APP: variants seen among roughly 807,000 people sequenced by gnomAD.
APP encodes the protein amyloid beta precursor protein.
APP carries 31 observed loss-of-function variants against 101.4 expected under a neutral mutation model. The ratio of observed to expected loss-of-function variants is 0.31; its 90% CI spans 0.23 to 0.41. APP has a LOEUF of 0.41. Among genes scored for constraint, APP ranks in the 10% least tolerant of loss-of-function variants. The pLI, the probability that APP is intolerant of heterozygous loss-of-function variation, is 1.00. For synonymous variants in APP, 366 were observed against 364.4 expected, an observed-to-expected ratio of 1.00 and a Z score of -0.05; for missense variants, 839 against 1,003.7, an observed-to-expected ratio of 0.84 and a Z score of 2.22.
intron 2 of APP, among the ~76,000 whole-genome samples, chr21:26,103,597 T>C (rs1276801817): frequency 1.3e-5 from 2 of 151,044 alleles, no homozygotes; most frequent in Non-Finnish European, 2.9e-5. Context: ...TGAGATCCCG[T>C]CAAAAAAAAG....
In APP at chr21:26,152,317, G is replaced by C. The variant is rs1777024207; in HGVS notation, c.57+18247C>G. 2.9e-5 allele frequency among the ~76,000 whole-genome samples: 4 copies of C among 138,712 alleles called. No homozygotes were observed. In the South Asian group the frequency reaches 9.4e-4, roughly 33 times the overall value. 91.0% of individuals were successfully genotyped at this position (138,712 alleles called of 152,430 possible). A position where few individuals can be genotyped will look rare whatever the true frequency, so the allele number is the denominator to read the frequency against. On this transcript the variant is annotated intron_variant, in intron 1 of 17. Coordinates refer to ENST00000346798, the MANE Select transcript of APP (RefSeq NM_000484.4). Reference sequence around the variant, plus strand: ...AAAAAAAAAAAAAAAATGGGCCAAGGATCTGAATAGACATTTCTAAAAAGC... The same window carrying C: ...AAAAAAAAAAAAAAAATGGGCCAAGCATCTGAATAGACATTTCTAAAAAGC...
In APP at chr21:26,110,143, T is replaced by C. The variant is rs192881919; in HGVS notation, c.225+1836A>G. Among the ~76,000 whole-genome samples, 26 of 152,330 alleles carry C rather than the reference T, an allele frequency of 1.7e-4. No homozygotes were observed. The South Asian group carries it at 4.3e-3, about 25-fold the overall frequency. ...TAGTAAATCAGCACACAGAATGTTC[T>C]TGTAAAAATACATATAATGGACCAT... On this transcript the variant is annotated intron_variant, in intron 2 of 17. Coordinates refer to ENST00000346798, the MANE Select transcript of APP (RefSeq NM_000484.4).
Position 26,125,007 on chromosome 21 carries a change from A to T in APP, c.58-12861T>A, listed in dbSNP as rs2062651827. Among the ~76,000 whole-genome samples the T allele has an allele frequency of 2.6e-5, 4 of 152,246 alleles. No individual in the cohort carries two copies. The South Asian group carries it at 8.3e-4, about 31-fold the overall frequency. ...GGAGTGTTAATGCAGAGGTCTGGCA[A>T]GGGTACACCGAAGAGCTCTCAGGAA... On this transcript the variant is annotated intron_variant, in intron 1 of 17. Transcript: ENST00000346798.
chr21:25,941,370 CAAG>C (rs2040570983), intron 13 of APP: 1 of 152,144 alleles, frequency 6.6e-6, no homozygotes, highest in African/African-American at 2.4e-5. Context: ...AGTCTGTGAT[CAAG>C]AAGAATTACT....
chr21:26,000,833 T>A (rs1347186870), intron 6 of APP, among the ~76,000 whole-genome samples: 4 of 151,642 alleles, frequency 2.6e-5, no homozygotes, highest in Non-Finnish European at 4.4e-5. Flanking sequence ...TTTAAGACCA[T>A]TTTATTTGTA....
At chr21:26,061,942 G>C (rs56183877) in intron 3 of APP, among the ~76,000 whole-genome samples, 1,942 of 152,244 alleles carry the variant, frequency 0.013, 46 homozygotes, top group African/African-American at 0.044. Flanking sequence ...CTGGCCGGGA[G>C]TGGTGGCTCA....
intron 2 of APP, among the ~76,000 whole-genome samples, chr21:26,093,897 CGAGGTCAA>C (rs1568966264): frequency 6.6e-6 from 1 of 152,074 alleles, no homozygotes; most frequent in Non-Finnish European, 1.5e-5. Flanking sequence ...GGGCGGCTCA[CGAGGTCAA>C]GAGATCAAGA....
chr21:26,123,602 C>T (rs557562658), intron 1 of APP, among the ~76,000 whole-genome samples: 74 of 152,212 alleles, frequency 4.9e-4, no homozygotes, highest in Middle Eastern at 3.4e-3. Flanking sequence ...AGGAATTTTT[C>T]GAATTGCCAT....
At chr21:25,955,873 C>T in intron 11 of APP, 118 bp from the exon 12 acceptor site, 1 of 1,444,984 alleles carries the variant, frequency 6.9e-7, no homozygotes, top group Non-Finnish European at 9.7e-7. Context: ...CTGTGAGTCA[C>T]CTTTTTGCAG....
intron 1 of APP, among the ~76,000 whole-genome samples, chr21:26,162,164 C>T (rs1426361994): frequency 6.6e-6 from 1 of 152,142 alleles, no homozygotes; most frequent in East Asian, 1.9e-4. Flanking sequence ...CCCATCTCTA[C>T]AAAACATTTA....
chr21:26,089,914 A>G, intron 3 of APP, 29 bp downstream of exon 3: 2 of 1,613,444 alleles, frequency 1.2e-6, no homozygotes, highest in South Asian at 2.2e-5. Flanking sequence ...GCCCCCAATC[A>G]ACACCAGCCC....
chr21:26,125,779 AT>A (rs1368631505), intron 1 of APP, among the ~76,000 whole-genome samples: 5 of 152,332 alleles, frequency 3.3e-5, no homozygotes, highest in African/African-American at 1.2e-4. Flanking sequence ...CTAAGAGTCA[AT>A]CTGGCAGAGC....
chr21:26,087,003 T>C (rs146324031), intron 3 of APP, among the ~76,000 whole-genome samples: 96 of 152,332 alleles, frequency 6.3e-4, no homozygotes, highest in African/African-American at 2.3e-3. Context: ...ACTGCCTGTC[T>C]ATTAAGTGCA....
At chr21:26,125,587 AG>A (rs2062665366) in intron 1 of APP, among the ~76,000 whole-genome samples, 1 of 151,668 alleles carries the variant, frequency 6.6e-6, no homozygotes, top group African/African-American at 2.4e-5. Flanking sequence ...TGCGGTGTTT[AG>A]GGGGTGAGTC....
chr21:26,047,665 G>A (rs1480069886), intron 5 of APP, among the ~76,000 whole-genome samples: 1 of 152,080 alleles, frequency 6.6e-6, no homozygotes, highest in Non-Finnish European at 1.5e-5. Flanking sequence ...AAATTCAGTG[G>A]CTCAGCCTTA....
chr21:26,000,772 A>C (rs45538740), intron 6 of APP, among the ~76,000 whole-genome samples: 29,517 of 152,012 alleles, frequency 0.19, 3,028 homozygotes, highest in South Asian at 0.27. Flanking sequence ...AAGACCATTC[A>C]TTTGTATATT....
At chr21:26,028,630 T>C (rs2044686762) in intron 5 of APP, among the ~76,000 whole-genome samples, 1 of 152,148 alleles carries the variant, frequency 6.6e-6, no homozygotes, top group Non-Finnish European at 1.5e-5. Context: ...TACAAATTGA[T>C]GATAATGAGC....
chr21:25,907,714 T>C (rs2038864891), intron 14 of APP, among the ~76,000 whole-genome samples: 1 of 152,188 alleles, frequency 6.6e-6, no homozygotes, highest in Admixed American at 6.5e-5. Flanking sequence ...GTAATAAACC[T>C]CAACTATTAA....
intron 15 of APP, among the ~76,000 whole-genome samples, chr21:25,899,601 C>T (rs999104941): frequency 2.0e-5 from 3 of 152,160 alleles, no homozygotes; most frequent in African/African-American, 7.2e-5. Context: ...GAGTGAGCCA[C>T]GTTGGAAACA....
Sources: gnomAD v4.1 joint callset for allele counts (sites outside exome capture counted in the v4.1 genomes callset) on GRCh38, gnomAD v4.1.1 for gene constraint, MANE v1.5 for transcripts, NCBI Gene and HGNC (gene_info 2026-07-23, HGNC 2026-07-21) for gene names.